The following MAST4 variants were observed in gnomAD, a reference collection of about 807,000 sequenced individuals.
MAST4 encodes microtubule-associated serine/threonine-protein kinase 4.
Under a neutral mutation model 162.7 loss-of-function variants are expected in MAST4, and 89 were observed. That is an observed-to-expected ratio of 0.55 (90% CI 0.46 to 0.65). The LOEUF (loss-of-function observed/expected upper bound fraction) is 0.65. Among genes scored for constraint, MAST4 ranks in the 30% least tolerant of loss-of-function variants. MAST4 has a pLI of 0.00. For synonymous variants in MAST4, 1,479 were observed against 1,361.1 expected (o/e 1.09, Z -1.91); for missense variants, 3,153 against 3,374.0 (o/e 0.93, Z 1.62).
At chr5:66,803,159 T>C (rs1411250597) in intron 3 of MAST4, among the ~76,000 whole-genome samples, 2 of 152,194 alleles carry the variant, frequency 1.3e-5, no homozygotes, top group Non-Finnish European at 2.9e-5. Flanking sequence ...TTGAAGGACA[T>C]AATTCATATC....
At chr5:66,967,883 C>T (rs1317182882) in intron 4 of MAST4, among the ~76,000 whole-genome samples, 5 of 152,012 alleles carry the variant, frequency 3.3e-5, no homozygotes, top group Non-Finnish European at 7.4e-5. Flanking sequence ...TCTGAGGCAA[C>T]CATAACCACT....
chr5:66,860,899 G>A (rs747011475), intron 3 of MAST4, among the ~76,000 whole-genome samples: 1 of 152,246 alleles, frequency 6.6e-6, no homozygotes, highest in Non-Finnish European at 1.5e-5. Flanking sequence ...TGGGAAAGGC[G>A]CTGTGCATGG....
At position 66,993,865 on chromosome 5, in the gene MAST4, A is replaced by G. The variant is rs142565966; in HGVS notation, c.675-60539A>G. Among the ~76,000 whole-genome samples, 12 of 151,402 alleles carry G rather than the reference A, an allele frequency of 7.9e-5. 1 individual carries two copies. In the East Asian group the frequency reaches 2.4e-3, roughly 30 times the overall value. The stretch of plus-strand genomic sequence containing the variant: ...AGAATCACCTGGACATTTTAGTAGA[A>G]TGCAGATTTCTGGGCTGTACTTCCA... On this transcript the variant is annotated intron_variant, in intron 4 of 28. Coordinates refer to ENST00000403625, the MANE Select transcript of MAST4 (RefSeq NM_001164664.2).
chr5:66,831,787 T>C (rs1473319020), intron 3 of MAST4, among the ~76,000 whole-genome samples: 2 of 152,210 alleles, frequency 1.3e-5, no homozygotes, highest in Admixed American at 6.5e-5. Context: ...TGTTAGAATC[T>C]AGAAAACTTT....
intron 4 of MAST4, among the ~76,000 whole-genome samples, chr5:66,958,358 A>C (rs1745577849): frequency 6.6e-6 from 1 of 152,222 alleles, no homozygotes; most frequent in Non-Finnish European, 1.5e-5. Context: ...CTTAGTTCCA[A>C]GTTATGAATG....
At chr5:66,761,320 C>T (rs1258960459) in intron 2 of MAST4, among the ~76,000 whole-genome samples, 1 of 152,084 alleles carries the variant, frequency 6.6e-6, no homozygotes, top group Non-Finnish European at 1.5e-5. Context: ...CTGCAAAATA[C>T]CCAAATTAAG....
Position 66,992,815 on chromosome 5 carries a change from A to G in MAST4, c.675-61589A>G, listed in dbSNP as rs574006450. 7.2e-5 allele frequency among the ~76,000 whole-genome samples: 11 copies of G among 152,292 alleles called. No individual in the cohort carries two copies. The South Asian group carries it at 2.3e-3, about 32-fold the overall frequency. On this transcript the variant is annotated intron_variant, in intron 4 of 28. Coordinates refer to ENST00000403625, the MANE Select transcript of MAST4 (RefSeq NM_001164664.2). ...GTGCGACGGAAGGTTTCACTGGGTA[A>G]GCTGACATTTGTGAGCCAGGAGCCC... is the stretch of plus-strand genomic sequence containing the variant.
intron 1 of MAST4, among the ~76,000 whole-genome samples, chr5:66,647,562 G>GA (rs777780181): frequency 2.2e-4 from 30 of 136,542 alleles, no homozygotes; most frequent in East Asian, 4.3e-4. Flanking sequence ...TTCAAATAAG[G>GA]AAAAAAAATA....
At chr5:66,863,456 T>A (rs1413405732) in intron 3 of MAST4, among the ~76,000 whole-genome samples, 1 of 152,234 alleles carries the variant, frequency 6.6e-6, no homozygotes, top group African/African-American at 2.4e-5. Flanking sequence ...GCCTTCCGGC[T>A]TCGGTCTGAC....
intron 4 of MAST4, among the ~76,000 whole-genome samples, chr5:66,913,718 A>C (rs948237992): frequency 6.6e-6 from 1 of 152,200 alleles, no homozygotes; most frequent in Non-Finnish European, 1.5e-5. Flanking sequence ...CCCTAATCCA[A>C]AGTCACAAAG....
chr5:66,713,345 G>T (rs960778463), intron 1 of MAST4, among the ~76,000 whole-genome samples: 2 of 152,184 alleles, frequency 1.3e-5, no homozygotes, highest in African/African-American at 4.8e-5. Flanking sequence ...GGCTGAGACT[G>T]ATGGGACCAT....
At chr5:66,972,181 C>A (rs1030103479) in intron 4 of MAST4, among the ~76,000 whole-genome samples, 1 of 152,084 alleles carries the variant, frequency 6.6e-6, no homozygotes, top group African/African-American at 2.4e-5. Flanking sequence ...TAAAACCTGA[C>A]CTTTGTATCA....
At chr5:67,084,057 A>G (rs1762962833) in intron 5 of MAST4, among the ~76,000 whole-genome samples, 1 of 152,202 alleles carries the variant, frequency 6.6e-6, no homozygotes, top group Non-Finnish European at 1.5e-5. Context: ...ATGCCACAGC[A>G]TTTCAAATAC....
chr5:67,124,420 G>C (rs368523359), intron 14 of MAST4, among the ~76,000 whole-genome samples: 83 of 151,098 alleles, frequency 5.5e-4, no homozygotes, highest in African/African-American at 1.9e-3. Context: ...GTTTCTCTCT[G>C]TCTCTCTCTC....
At chr5:66,657,377 A>T (rs544356091) in intron 1 of MAST4, among the ~76,000 whole-genome samples, 88 of 152,360 alleles carry the variant, frequency 5.8e-4, no homozygotes, top group African/African-American at 2.1e-3. Flanking sequence ...ACTGATTGCA[A>T]TTGGACAATA....
At chr5:66,945,612 C>T (rs1364858697) in intron 4 of MAST4, among the ~76,000 whole-genome samples, 1 of 152,128 alleles carries the variant, frequency 6.6e-6, no homozygotes. Flanking sequence ...ATGCCGTGCC[C>T]TTAGCTGTCT....
At chr5:66,899,317 C>T (rs1483719829) in intron 3 of MAST4, among the ~76,000 whole-genome samples, 2 of 152,058 alleles carry the variant, frequency 1.3e-5, no homozygotes, top group Non-Finnish European at 2.9e-5. Context: ...TGAAGGCACC[C>T]TTTTAAAACT....
In MAST4 at chr5:67,152,718, C is replaced by T; in HGVS notation, c.3377C>T (p.Ser1126Phe). 6.2e-7 allele frequency: 1 copy of T among 1,614,094 alleles called. No individual in the cohort carries two copies. The highest frequency in any genetic ancestry group is 8.5e-7 in the Non-Finnish European group (1 of 1,179,902). The change falls in exon 25 of 29, where the codon TCT becomes TTT. Residue 1126 changes from serine to phenylalanine, a missense_variant. By Grantham distance (155) the Ser-to-Phe change is radical (BLOSUM62 -2). Around this residue, in one of 7 missense-constraint regions of MAST4, gnomAD observed 619 missense variants for 744.2 expected, o/e 0.83. Transcript: ENST00000403625. ...GACCCTTCTTCTTCACGAGATTCCT[C>T]TCCCAGCCGAGATTCCTCAGCAGCT... ...SSDPSSSRDS[S>F]PSRDSSAASA...
chr5:66,823,266 CT>C (rs1160715837), intron 3 of MAST4, among the ~76,000 whole-genome samples: 1 of 152,102 alleles, frequency 6.6e-6, no homozygotes, highest in East Asian at 1.9e-4. Flanking sequence ...TCAGGCAGTT[CT>C]TTTAGGTATT....
Sources: allele counts gnomAD v4.1 joint callset (sites outside exome capture counted in the v4.1 genomes callset), GRCh38; gene constraint gnomAD v4.1.1; regional missense constraint gnomAD v4.1.1; transcripts MANE v1.5; gene names NCBI Gene and HGNC (gene_info 2026-07-23, HGNC 2026-07-21).